SPATA7: variants seen among roughly 807,000 people sequenced by gnomAD.
SPATA7 encodes spermatogenesis associated 7.
A neutral mutation model predicts 51.8 loss-of-function variants in SPATA7; 43 were observed. That is an observed-to-expected ratio of 0.83 (90% CI 0.65 to 1.07). The LOEUF (loss-of-function observed/expected upper bound fraction) is 1.07. Ranked by LOEUF, SPATA7 falls within the 50% of genes least tolerant of loss-of-function variation. The pLI is 0.00. For synonymous variants in SPATA7, 230 were observed against 252.8 expected, an observed-to-expected ratio of 0.91 and a Z score of 0.86; for missense variants, 683 against 701.3, an observed-to-expected ratio of 0.97 and a Z score of 0.30.
chr14:88,393,260 C>T (rs2075791145), intron 2 of SPATA7, 133 bp from the exon 3 acceptor site: 1 of 669,254 alleles, frequency 1.5e-6, no homozygotes, highest in Admixed American at 2.6e-5. Flanking sequence ...CTTCACATCA[C>T]AATGTCATAT....
chr14:88,450,345 T>G (rs1031697875), intron 3 of SPATA7, among the ~76,000 whole-genome samples: 1 of 152,212 alleles, frequency 6.6e-6, no homozygotes, highest in South Asian at 2.1e-4. Flanking sequence ...GTACTATTTG[T>G]TGCCTGAATA....
In SPATA7 at chr14:88,438,178, C is replaced by A; in HGVS notation, c.1556C>A (p.Thr519Asn). 6.2e-7 allele frequency: 1 copy of A among 1,613,652 alleles called. No individual in the cohort carries two copies. Residue 519 changes from threonine to asparagine, a missense_variant, in exon 12 of 12, where the codon ACT becomes AAT. Transcript: ENST00000393545. ...VNDETNLETS[T>N]LDENHPSISD... is the part of the protein sequence containing the mutation. ...GATGAAACAAATCTTGAAACTTCAA[C>A]TTTGGATGAAAATCATCCAAGTATT...
At chr14:88,433,037 G>A in intron 9 of SPATA7, 98 bp from the exon 10 acceptor site, 1 of 871,970 alleles carries the variant, frequency 1.1e-6, no homozygotes, top group Non-Finnish European at 1.9e-6. Context: ...ATTGGTAATG[G>A]TAGAGATAGA....
In SPATA7 at chr14:88,469,766, G is replaced by T; in HGVS notation, c.255-81G>T. 1 of 1,610,190 alleles carries T rather than the reference G, an allele frequency of 6.2e-7. No homozygotes were observed. Among genetic ancestry groups the T allele is most frequent in the East Asian group, 2.2e-5 (1 of 44,854 alleles). On this transcript the variant is annotated intron_variant, in intron 4 of 4. Transcript: ENST00000556406. This position sits in a 1 kb window ranked among gnomAD's most constrained non-coding sequence, Gnocchi z 4.3. ...AGATGAGCATGGTTAAATGACTCGA[G>T]ATCCGGCAATGGATGCCTTTCTCAC...
At chr14:88,429,887 A>G (rs1227292457) in intron 8 of SPATA7, among the ~76,000 whole-genome samples, 2 of 45,618 alleles carry the variant, frequency 4.4e-5, no homozygotes, top group African/African-American at 1.3e-4. Flanking sequence ...CTATATGAAG[A>G]CACTATTTAT....
At chr14:88,445,011 G>C (rs1206901055) in intron 3 of SPATA7, among the ~76,000 whole-genome samples, 2 of 151,736 alleles carry the variant, frequency 1.3e-5, no homozygotes, top group South Asian at 2.1e-4. Flanking sequence ...GTTTTTTCCA[G>C]TTCTGTGAAG....
At chr14:88,434,899 C>T (rs976187064) in intron 10 of SPATA7, among the ~76,000 whole-genome samples, 1 of 151,794 alleles carries the variant, frequency 6.6e-6, no homozygotes, top group Non-Finnish European at 1.5e-5. Context: ...GAACTACTAA[C>T]TCTGAGGTTG....
Position 88,469,390 on chromosome 14 carries a change from G to A in SPATA7, c.255-457G>A, listed in dbSNP as rs983215878. The stretch of plus-strand genomic sequence containing the variant: ...GTATTCTTTATGTTAAAACAAGTCC[G>A]AAGCTTATATGAGATAACATAAAGG... On this transcript the variant is annotated intron_variant, in intron 4 of 4. Transcript: ENST00000556406. The surrounding 1 kb of genome is among the most constrained non-coding windows in gnomAD (Gnocchi z 4.3). 18 of 1,009,982 alleles carry A rather than the reference G, an allele frequency of 1.8e-5. No individual in the cohort carries two copies. The highest frequency in any genetic ancestry group is 4.6e-5 in the Admixed American group (2 of 43,304). The allele number at this position is 1,009,982 out of a possible 1,614,324, so 62.6% of individuals were successfully genotyped here.
At chr14:88,461,995 C>G (rs1336813234) in intron 4 of SPATA7, among the ~76,000 whole-genome samples, 2 of 152,056 alleles carry the variant, frequency 1.3e-5, no homozygotes, top group Non-Finnish European at 2.9e-5. Flanking sequence ...TTTTTTCAAC[C>G]TGTTTGTTGG....
intron 4 of SPATA7, among the ~76,000 whole-genome samples, chr14:88,408,812 C>G (rs2139932314): frequency 6.6e-6 from 1 of 152,270 alleles, no homozygotes; most frequent in African/African-American, 2.4e-5. Context: ...GGGTTTTTAG[C>G]ATGAAGCGCT....
intron 3 of SPATA7, among the ~76,000 whole-genome samples, chr14:88,449,497 A>G (rs541217595): frequency 7.2e-5 from 11 of 152,248 alleles, no homozygotes; most frequent in African/African-American, 2.6e-4. Flanking sequence ...GGCCTATCAT[A>G]TATGGTCTAT....
At chr14:88,416,673 T>C (rs556939845) in intron 4 of SPATA7, 38 bp from the exon 5 acceptor site, 1 of 1,608,590 alleles carries the variant, frequency 6.2e-7, no homozygotes, top group Non-Finnish European at 8.5e-7. Context: ...AATTTTCTAT[T>C]TTGTTCCATA....
rs756727447 is a variant in SPATA7, at chr14:88,438,131, G to C, written c.1509G>C (p.Gly503=). ...MPIYKSKHSE[G]VIIQQVNDET... ...TTTATAAATCAAAGCATTCAGAAGG[G>C]GTTATAATTCAACAGGTGAATGATG... The change falls in exon 12 of 12, where the codon GGG becomes GGC. Residue 503 remains glycine, a synonymous_variant. Coordinates refer to ENST00000393545, the MANE Select transcript of SPATA7 (RefSeq NM_018418.5). 2.5e-6 allele frequency: 4 copies of C among 1,613,708 alleles called. No homozygotes were observed. In the East Asian group the frequency reaches 8.9e-5, roughly 36 times the overall value.
chr14:88,426,033 A>G (rs572488468), intron 5 of SPATA7, among the ~76,000 whole-genome samples, 199 bp from the exon 6 acceptor site: 1 of 152,306 alleles, frequency 6.6e-6, no homozygotes, highest in East Asian at 1.9e-4. Context: ...TTGCTCTATT[A>G]CTTATATTTG....
intron 3 of SPATA7, among the ~76,000 whole-genome samples, chr14:88,394,164 T>C (rs1372728377): frequency 1.3e-5 from 2 of 152,194 alleles, no homozygotes; most frequent in Non-Finnish European, 2.9e-5. Flanking sequence ...GTGGCAGCTT[T>C]TACACTAAAA....
intron 3 of SPATA7, among the ~76,000 whole-genome samples, chr14:88,444,372 T>G (rs951363585): frequency 3.3e-5 from 5 of 152,102 alleles, no homozygotes; most frequent in African/African-American, 1.2e-4. Flanking sequence ...TCGTTGTAGA[T>G]TCTGGATATT....
At chr14:88,403,705 A>G (rs1364536815) in intron 4 of SPATA7, among the ~76,000 whole-genome samples, 1 of 152,220 alleles carries the variant, frequency 6.6e-6, no homozygotes, top group Non-Finnish European at 1.5e-5. Context: ...GGGCAACCTC[A>G]GAGAGGCAGA....
At chr14:88,407,101 G>A (rs1467129478) in intron 4 of SPATA7, among the ~76,000 whole-genome samples, 2 of 152,162 alleles carry the variant, frequency 1.3e-5, no homozygotes, top group Non-Finnish European at 2.9e-5. Context: ...CTTTATAGTA[G>A]AATGAGTTAT....
At chr14:88,388,805 CAAA>C (rs973100319) in intron 1 of SPATA7, among the ~76,000 whole-genome samples, 9 of 152,090 alleles carry the variant, frequency 5.9e-5, no homozygotes, top group African/African-American at 2.2e-4. Flanking sequence ...GGAAAGTACT[CAAA>C]GAAGGACAAT....
Sources: allele counts gnomAD v4.1 joint callset (sites outside exome capture counted in the v4.1 genomes callset), GRCh38; gene constraint gnomAD v4.1.1; non-coding constraint Gnocchi (gnomAD v3.1); transcripts MANE v1.5; gene names NCBI Gene and HGNC (gene_info 2026-07-23, HGNC 2026-07-21).